GSTA4: variants seen among roughly 807,000 people sequenced by gnomAD.
The protein encoded by GSTA4 is glutathione S-transferase alpha 4.
GSTA4 carries 15 observed loss-of-function variants against 24.4 expected under a neutral mutation model. The observed-to-expected ratio is 0.61, with a 90% CI of 0.41 to 0.95. GSTA4 has a LOEUF of 0.95. Among genes scored for constraint, GSTA4 ranks in the 40% least tolerant of loss-of-function variants. GSTA4 has a pLI of 0.00. For synonymous variants in GSTA4, 92 were observed against 94.2 expected (o/e 0.98, Z 0.13); for missense variants, 244 against 262.1 (o/e 0.93, Z 0.48).
At chr6:52,987,287 C>T (rs1024435233) in intron 3 of GSTA4, 70 bp downstream of exon 3, 1 of 931,112 alleles carries the variant, frequency 1.1e-6, no homozygotes, top group Non-Finnish European at 1.7e-6. Context: ...ATACTTTTGC[C>T]CTTCCACATA....
At chr6:52,990,218 GA>G (rs1763638182) in intron 2 of GSTA4, among the ~76,000 whole-genome samples, 2 of 152,210 alleles carry the variant, frequency 1.3e-5, no homozygotes, top group Admixed American at 1.3e-4. Context: ...CCAGCATTGA[GA>G]ACTCCCTGAA....
Position 52,982,606 on chromosome 6 carries a change from G to T in GSTA4, c.514C>A (p.Pro172Thr). Residue 172 changes from proline to threonine, a missense_variant, in exon 6 of 7, where the codon CCT (proline) becomes ACT (threonine). Pro to Thr is a conservative substitution (Grantham distance 38). Coordinates refer to ENST00000370963, the MANE Select transcript of GSTA4 (RefSeq NM_001512.4). ...QTILALEEKI[P>T]NILSAFPFLQ... ...AAAGGAAATGCAGACAGGATATTAG[G>T]AATTTTCTCTTCTAGAGCTAAAATG... The T allele has an allele frequency of 6.2e-7, 1 of 1,610,064 alleles. No homozygotes were observed. Among genetic ancestry groups the T allele is most frequent in the Non-Finnish European group, 8.5e-7 (1 of 1,176,658 alleles).
At chr6:52,986,473 G>A (rs1581911873) in intron 3 of GSTA4, among the ~76,000 whole-genome samples, 2 of 152,152 alleles carry the variant, frequency 1.3e-5, no homozygotes, top group South Asian at 4.1e-4. Context: ...TGGCTACTCT[G>A]TAGCCACAGA....
intron 3 of GSTA4, among the ~76,000 whole-genome samples, chr6:52,986,060 A>G (rs965401692): frequency 5.3e-5 from 8 of 152,154 alleles, no homozygotes; most frequent in African/African-American, 1.9e-4. Context: ...AAAAAAAAGA[A>G]GGCTGAAAAC....
At chr6:52,983,826 C>T (rs1369141783) in intron 5 of GSTA4, among the ~76,000 whole-genome samples, 1 of 152,196 alleles carries the variant, frequency 6.6e-6, no homozygotes, top group African/African-American at 2.4e-5. Flanking sequence ...AAATACCTCT[C>T]CTTTTTCCTA....
intron 2 of GSTA4, among the ~76,000 whole-genome samples, chr6:52,990,007 G>A (rs994804771): frequency 6.6e-6 from 1 of 151,608 alleles, no homozygotes; most frequent in African/African-American, 2.4e-5. Context: ...ACCACATTTA[G>A]CTCAGAAAGT....
chr6:52,984,685 T>A, intron 4 of GSTA4, 80 bp from the exon 5 acceptor site: 4 of 860,700 alleles, frequency 4.6e-6, no homozygotes, highest in South Asian at 1.8e-5. Context: ...TCAGAGTGCT[T>A]TTTTTTTTTT....
At chr6:52,987,891 T>C (rs1394845525) in intron 2 of GSTA4, 2 of 152,412 alleles carry the variant, frequency 1.3e-5, no homozygotes, top group Non-Finnish European at 2.9e-5. Flanking sequence ...TATCAAAATA[T>C]CAAATGTATT....
intron 3 of GSTA4, among the ~76,000 whole-genome samples, chr6:52,986,601 T>G (rs144073766): frequency 2.0e-4 from 31 of 152,310 alleles, no homozygotes; most frequent in African/African-American, 7.5e-4. Context: ...GATGCCGGTA[T>G]AGGGTACAGC....
chr6:52,981,111 A>C lies in GSTA4; in HGVS notation c.546+1463T>G, dbSNP rs139118166. 2.6e-4 allele frequency among the ~76,000 whole-genome samples: 40 copies of C among 152,354 alleles called. No homozygotes were observed. The East Asian group carries it at 7.3e-3, about 28-fold the overall frequency. ...TGTGTCTGCAAAAGTAAATGAAAAA[A>C]AAATTGAAAAAAAAATATAAACTAT... On this transcript the variant is annotated intron_variant, in intron 6 of 6. Transcript: ENST00000370963.
chr6:52,995,145 G>C (rs1417661752), intron 1 of GSTA4, 104 bp downstream of exon 1: 1 of 152,968 alleles, frequency 6.5e-6, no homozygotes, highest in Non-Finnish European at 1.5e-5. Flanking sequence ...TGAACTGGGG[G>C]AGTGAGGGAA....
chr6:52,980,626 T>C (rs1236152036), intron 6 of GSTA4, among the ~76,000 whole-genome samples: 1 of 152,122 alleles, frequency 6.6e-6, no homozygotes, highest in Non-Finnish European at 1.5e-5. Context: ...TTAATAAGCT[T>C]AGCATTCTAC....
chr6:52,985,562 T>C lies in GSTA4; in HGVS notation c.161A>G (p.Gln54Arg). 2 of 1,614,110 alleles carry C rather than the reference T, an allele frequency of 1.2e-6. No individual in the cohort carries two copies. The highest frequency in any genetic ancestry group is 2.2e-5 in the South Asian group (2 of 91,080). ...LQDGNHLLFQ[Q>R]VPMVEIDGMK... ...CCCGTCAATTTCAACCATGGGCACT[T>C]GTTGGAACAGCAGGTGGTTACCTGA... The change falls in exon 4 of 7, where the codon CAA becomes CGA. Residue 54 changes from glutamine to arginine, a missense_variant. Physicochemically the swap from Gln to Arg is conservative, Grantham distance 43 (BLOSUM62 1). Transcript: ENST00000370963.
chr6:52,987,299 A>T, intron 3 of GSTA4, 58 bp downstream of exon 3: 1 of 1,072,568 alleles, frequency 9.3e-7, no homozygotes, highest in South Asian at 1.3e-5. Flanking sequence ...TTCCACATAA[A>T]CAGCAGCTCT....
At chr6:52,980,908 T>C (rs1763439637) in intron 6 of GSTA4, among the ~76,000 whole-genome samples, 1 of 152,214 alleles carries the variant, frequency 6.6e-6, no homozygotes, top group Non-Finnish European at 1.5e-5. Context: ...AGCAAATGCA[T>C]GTAAGTGCCT....
chr6:52,981,431 A>G (rs888991703), intron 6 of GSTA4, among the ~76,000 whole-genome samples: 1 of 152,220 alleles, frequency 6.6e-6, no homozygotes, highest in African/African-American at 2.4e-5. Context: ...TCTGCAGGCC[A>G]TATGGTCTCT....
intron 4 of GSTA4, among the ~76,000 whole-genome samples, chr6:52,985,055 A>T (rs1489771094): frequency 6.6e-6 from 1 of 152,198 alleles, no homozygotes; most frequent in Admixed American, 6.5e-5. Flanking sequence ...AGGGTCATAC[A>T]TCTAAGGGGT....
At position 52,978,473 on chromosome 6, in the gene GSTA4, T is replaced by C. The variant is rs45518936; in HGVS notation, c.666A>G (p.Pro222=). Residue 222 remains proline (P), a synonymous_variant, in exon 7 of 7, where the codon CCA becomes CCG. Coordinates refer to ENST00000370963, the MANE Select transcript of GSTA4 (RefSeq NM_001512.4). ...YVRTVYNIFR[P] The stretch of plus-strand genomic sequence containing the variant: ...ACTCACACATGGATGTGTTGTTTTA[T>C]GGCCTAAAGATGTTGTAGACGGTTC... The C allele has an allele frequency of 3.1e-5, 50 of 1,613,604 alleles. No homozygotes were observed. In the East Asian group the frequency reaches 1.0e-3, roughly 32 times the overall value.
intron 5 of GSTA4, among the ~76,000 whole-genome samples, chr6:52,983,329 T>C (rs558838002): frequency 2.0e-5 from 3 of 152,288 alleles, no homozygotes; most frequent in African/African-American, 7.2e-5. Context: ...TAGATTGTGA[T>C]TAGGGAGAGG....
Sources: gnomAD v4.1 joint callset for allele counts (sites outside exome capture counted in the v4.1 genomes callset) on GRCh38, gnomAD v4.1.1 for gene constraint, MANE v1.5 for transcripts, NCBI Gene and HGNC (gene_info 2026-07-23, HGNC 2026-07-21) for gene names.